Variants in TRNAU1AP observed in about 807,000 individuals in gnomAD.
TRNAU1AP encodes the protein tRNA selenocysteine 1 associated protein 1, also known as tRNA selenocysteine 1-associated protein 1.
A neutral mutation model predicts 43.3 loss-of-function variants in TRNAU1AP; 33 were observed. The ratio of observed to expected loss-of-function variants is 0.76; its 90% confidence interval spans 0.58 to 1.02. The LOEUF is 1.02. Ranked by LOEUF, TRNAU1AP falls within the 50% of genes least tolerant of loss-of-function variation. The pLI, the probability that TRNAU1AP is intolerant of heterozygous loss-of-function variation, is 0.00. For synonymous variants in TRNAU1AP, 143 were observed against 129.1 expected (o/e 1.11, Z -0.73); for missense variants, 290 against 362.7 (o/e 0.80, Z 1.63).
intron 2 of TRNAU1AP, among the ~76,000 whole-genome samples, chr1:28,559,617 G>A (rs1328398428): frequency 5.3e-5 from 8 of 151,844 alleles, no homozygotes; most frequent in South Asian, 2.1e-4. Context: ...CCAAGATTGC[G>A]TCATTGCACT....
At chr1:28,555,846 C>T (rs541449367) in intron 2 of TRNAU1AP, among the ~76,000 whole-genome samples, 1 of 149,960 alleles carries the variant, frequency 6.7e-6, no homozygotes, top group East Asian at 2.0e-4. Flanking sequence ...TAACCTTTCT[C>T]ATTTTTTTTT....
chr1:28,572,827 C>T (rs1156231710), intron 8 of TRNAU1AP, among the ~76,000 whole-genome samples: 2 of 150,824 alleles, frequency 1.3e-5, no homozygotes, highest in Middle Eastern at 6.8e-3. Context: ...CCCAGCTACT[C>T]GGGAGGCTGA....
At chr1:28,566,727 C>T (rs1439732741) in intron 5 of TRNAU1AP, among the ~76,000 whole-genome samples, 1 of 150,812 alleles carries the variant, frequency 6.6e-6, no homozygotes, top group African/African-American at 2.4e-5. Context: ...CCATTGCACT[C>T]CAGCCTGGGC....
intron 5 of TRNAU1AP, among the ~76,000 whole-genome samples, chr1:28,566,759 C>CAA (rs1204229638): frequency 1.9e-3 from 134 of 72,342 alleles, no homozygotes; most frequent in Non-Finnish European, 3.2e-3. Context: ...AACTCCATCT[C>CAA]AAAAAAAAAA....
chr1:28,577,815 AG>A lies in TRNAU1AP; in HGVS notation c.*182del. The A allele has an allele frequency of 1.5e-6, 1 of 673,230 alleles. No homozygotes were observed. Among genetic ancestry groups the A allele is most frequent in the Non-Finnish European group, 2.4e-6 (1 of 414,616 alleles). 41.7% of individuals were successfully genotyped at this position (673,230 alleles called of 1,614,324 possible). On this transcript the variant is annotated 3_prime_UTR_variant, in exon 9 of 9. Transcript: ENST00000373830. ...TTTGACCATTTGAGTTTGAAGACCA[AG>A]GGAACAACTTTTAAACAAGGTTCAA... is the stretch of plus-strand genomic sequence containing the variant.
intron 5 of TRNAU1AP, chr1:28,565,747 A>G (rs1665523123): frequency 6.6e-6 from 1 of 151,964 alleles, no homozygotes; most frequent in Non-Finnish European, 1.5e-5. Flanking sequence ...AGATCACACA[A>G]CTGTGCTCCA....
chr1:28,554,647 C>G (rs774280601), intron 2 of TRNAU1AP, among the ~76,000 whole-genome samples: 1 of 151,952 alleles, frequency 6.6e-6, no homozygotes, highest in African/African-American at 2.4e-5. Flanking sequence ...TTGAGACCAT[C>G]CTGGCTAACA....
chr1:28,573,223 G>A (rs1457304489), intron 8 of TRNAU1AP, among the ~76,000 whole-genome samples: 20 of 150,560 alleles, frequency 1.3e-4, no homozygotes, highest in Admixed American at 9.2e-4. Context: ...TAGTAGAGAC[G>A]GGGTTTCACC....
At chr1:28,560,992 A>T in intron 3 of TRNAU1AP, 1 of 1,240,016 alleles carries the variant, frequency 8.1e-7, no homozygotes, top group Non-Finnish European at 1.1e-6. Context: ...TCCATTCTGC[A>T]TTGCTGCCTC....
intron 7 of TRNAU1AP, among the ~76,000 whole-genome samples, 153 bp from the exon 8 acceptor site, chr1:28,571,714 C>T (rs868847878): frequency 1.5e-4 from 23 of 151,100 alleles, no homozygotes; most frequent in South Asian, 2.1e-4. Context: ...AACTGGGATG[C>T]GGGTGTTGCA....
chr1:28,567,763 T>A (rs9426323), intron 6 of TRNAU1AP, among the ~76,000 whole-genome samples: 38,684 of 152,078 alleles, frequency 0.25, 5,048 homozygotes, highest in Middle Eastern at 0.34. Context: ...TTAATAAGAT[T>A]TGAATAAAGG....
intron 8 of TRNAU1AP, among the ~76,000 whole-genome samples, chr1:28,575,549 G>C (rs1410488455): frequency 1.4e-5 from 2 of 144,152 alleles, no homozygotes; most frequent in African/African-American, 5.2e-5. Context: ...TGCAACCTCC[G>C]CCTCCCGGGT....
chr1:28,571,786 A>AAAAAAAAAAAAAAAAAATAAT, intron 7 of TRNAU1AP, 81 bp from the exon 8 acceptor site: 1 of 1,008,582 alleles, frequency 9.9e-7, no homozygotes. Flanking sequence ...CCACCTCAAA[A>AAAAAAAAAAAAAAAAAATAAT]AAAATAAAAA....
intron 8 of TRNAU1AP, among the ~76,000 whole-genome samples, chr1:28,574,077 CTTTTTTTTTTT>C (rs1178078009): frequency 1.6e-5 from 2 of 124,156 alleles, no homozygotes; most frequent in Non-Finnish European, 3.3e-5. Flanking sequence ...GACCCCATCT[CTTTTTTTTTTT>C]TTTTTTTTGG....
intron 8 of TRNAU1AP, among the ~76,000 whole-genome samples, chr1:28,575,311 C>A (rs142532255): frequency 6.6e-6 from 1 of 151,902 alleles, no homozygotes; most frequent in Non-Finnish European, 1.5e-5. Context: ...CGCGCCACCA[C>A]GCCCAGCTAA....
At position 28,564,711 on chromosome 1, in the gene TRNAU1AP, A is replaced by T. The variant is rs142773526; in HGVS notation, c.287A>T (p.Tyr96Phe). The part of the protein sequence containing the change: ...YGKQPDNSPE[Y>F]SLFVGDLTPD... ...TTGTTCTCTCTCCTCAGCCCTGAGTATTCCCTCTTTGTGGGGGACCTGACC... is the reference window on the plus strand; with the variant it reads ...TTGTTCTCTCTCCTCAGCCCTGAGTTTTCCCTCTTTGTGGGGGACCTGACC... Residue 96 changes from tyrosine (Y) to phenylalanine (F), a missense_variant, in exon 5 of 9, where the codon TAT becomes TTT. Around this residue, in one of 3 missense-constraint regions of TRNAU1AP, gnomAD observed 174 missense variants for 262.1 expected, o/e 0.66. Transcript: ENST00000373830. The T allele has an allele frequency of 3.5e-4, 571 of 1,613,862 alleles. No homozygotes were observed. The highest frequency in any genetic ancestry group is 4.4e-4 in the Non-Finnish European group (520 of 1,179,920).
Position 28,577,519 on chromosome 1 carries a change from T to C in TRNAU1AP, c.747T>C (p.Asp249=). The C allele has an allele frequency of 6.2e-7, 1 of 1,614,034 alleles. No individual in the cohort carries two copies. Among genetic ancestry groups the C allele is most frequent in the South Asian group, 1.1e-5 (1 of 91,072 alleles). ...DALEDPMPQL[D]VTEANKEFME... The stretch of plus-strand genomic sequence containing the variant: ...TTCCAGACCCCATGCCACAGCTGGA[T>C]GTGACTGAGGCCAACAAGGAGTTCA... Residue 249 remains aspartate (D), a synonymous_variant, in exon 9 of 9, where the codon GAT becomes GAC. Transcript: ENST00000373830.
chr1:28,556,051 C>A (rs185601405), intron 2 of TRNAU1AP, among the ~76,000 whole-genome samples: 286 of 152,198 alleles, frequency 1.9e-3, no homozygotes, highest in Non-Finnish European at 3.0e-3. Context: ...GATGGGGTTT[C>A]ACCATGTTAG....
At chr1:28,562,601 G>C (rs982011562) in intron 4 of TRNAU1AP, among the ~76,000 whole-genome samples, 29 of 150,036 alleles carry the variant, frequency 1.9e-4, no homozygotes, top group African/African-American at 7.1e-4. Context: ...TTTTTTTGGA[G>C]ACGGAGTCTC....
Sources: allele counts gnomAD v4.1 joint callset (sites outside exome capture counted in the v4.1 genomes callset), GRCh38; gene constraint gnomAD v4.1.1; regional missense constraint gnomAD v4.1.1; transcripts MANE v1.5; gene names NCBI Gene and HGNC (gene_info 2026-07-23, HGNC 2026-07-21).